Variants in PHACTR2 observed in about 807,000 individuals in gnomAD.
PHACTR2 encodes the protein chromosome 6 open reading frame 56.
PHACTR2 carries 30 observed loss-of-function variants against 76.0 expected under a neutral mutation model. The observed-to-expected ratio is 0.39, with a 90% CI of 0.30 to 0.54. The LOEUF is 0.54. PHACTR2 is among the 20% of genes least tolerant of loss of function. The pLI, the probability that PHACTR2 is intolerant of heterozygous loss-of-function variation, is 0.61. For synonymous variants in PHACTR2, 292 were observed against 292.5 expected, an observed-to-expected ratio of 1.00 and a Z score of 0.02; for missense variants, 696 against 781.1, an observed-to-expected ratio of 0.89 and a Z score of 1.30.
chr6:143,589,790 A>G lies in PHACTR2; in HGVS notation c.217+52583A>G, dbSNP rs1164651994. 1.3e-5 allele frequency among the ~76,000 whole-genome samples: 2 copies of G among 152,230 alleles called. No homozygotes were observed. The highest frequency in any genetic ancestry group is 4.8e-5 in the African/African-American group (2 of 41,472). On this transcript the variant is annotated intron_variant, in intron 1 of 11. Coordinates refer to the PHACTR2 transcript ENST00000367584. The surrounding 1 kb of genome is among the most constrained non-coding windows in gnomAD (Gnocchi z 4.4). ...ATATAAATTTAGGGGAGGGGACACA[A>G]TTCAGTCCATTGCACTAATCTTATG...
chr6:143,568,103 T>C lies in PHACTR2; in HGVS notation c.217+30896T>C, dbSNP rs1416209. On this transcript the variant is annotated intron_variant, in intron 1 of 11. Coordinates refer to the PHACTR2 transcript ENST00000367584. ...CATATTTTCCTTTACCTTGATTTTT[T>C]TAAAAAAATCCATAATATCCAGGCC... 3.3e-5 allele frequency among the ~76,000 whole-genome samples: 5 copies of C among 151,790 alleles called. No homozygotes were observed. The East Asian group carries it at 9.7e-4, about 29-fold the overall frequency.
chr6:143,637,886 A>G lies in PHACTR2; in HGVS notation c.13+29564A>G, dbSNP rs140854807. Among the ~76,000 whole-genome samples the G allele has an allele frequency of 1.7e-3, 265 of 152,334 alleles. 2 individuals are homozygous for G. The highest frequency in any genetic ancestry group is 5.6e-3 in the African/African-American group (233 of 41,562). ...GGAGTGACATCCCGTCACCTTTGCT[A>G]TGTTCTAGTTGTTAGAAACAAGACA... On this transcript the variant is annotated intron_variant, in intron 1 of 11. Transcript: ENST00000305766.
intron 2 of PHACTR2, among the ~76,000 whole-genome samples, chr6:143,714,278 G>C (rs1778252049): frequency 6.6e-6 from 1 of 152,152 alleles, no homozygotes; most frequent in Non-Finnish European, 1.5e-5. Flanking sequence ...TTCTACGTTT[G>C]TCCTTCTCTT....
At position 143,578,146 on chromosome 6, in the gene PHACTR2, G is replaced by T. The variant is rs184195292; in HGVS notation, c.217+40939G>T. On this transcript the variant is annotated intron_variant, in intron 1 of 11. Coordinates refer to the PHACTR2 transcript ENST00000367584. This position sits in a 1 kb window ranked among gnomAD's most constrained non-coding sequence, Gnocchi z 4.5. ...GAGGGAAGGAGCTTCATTTACTGTT[G>T]TTCCTTCACAAAGGAACCATTGCAG... 4.6e-5 allele frequency among the ~76,000 whole-genome samples: 7 copies of T among 152,254 alleles called. No individual in the cohort carries two copies. Among genetic ancestry groups the T allele is most frequent in the Middle Eastern group, 3.4e-3 (1 of 294 alleles).
intron 1 of PHACTR2, among the ~76,000 whole-genome samples, chr6:143,542,783 C>T (rs565402797): frequency 2.0e-5 from 3 of 152,144 alleles, no homozygotes; most frequent in Non-Finnish European, 4.4e-5. Context: ...GTGAAGCCAC[C>T]TTTATACAGC....
rs1776799473 is a variant in PHACTR2 at position 143,653,605 on chromosome 6, A to G, written c.13+45283A>G. 6.6e-6 allele frequency among the ~76,000 whole-genome samples: 1 copy of G among 151,914 alleles called. No individual in the cohort carries two copies. The highest frequency in any genetic ancestry group is 2.4e-5 in the African/African-American group (1 of 41,320). ...TGGTTGTCAACAAGGATGCCAAGAC[A>G]ATTCAATGGGGAAAGAAATGTCTTA... On this transcript the variant is annotated intron_variant, in intron 1 of 11. Coordinates refer to the PHACTR2 transcript ENST00000305766. This position sits in a 1 kb window ranked among gnomAD's most constrained non-coding sequence, Gnocchi z 4.9.
rs1016172010 is a variant in PHACTR2 at position 143,793,731 on chromosome 6, G to A, written c.1845+4821G>A. ...GGAGTTTGAGACCAGCCTGAGCAATGTGGTGAAACTCTGCCTCTACTAAAA... is the reference window on the plus strand; with the variant it reads ...GGAGTTTGAGACCAGCCTGAGCAATATGGTGAAACTCTGCCTCTACTAAAA... On this transcript the variant is annotated intron_variant, in intron 11 of 12. Coordinates refer to ENST00000440869, the MANE Select transcript of PHACTR2 (RefSeq NM_001100164.2). This position sits in a 1 kb window ranked among gnomAD's most constrained non-coding sequence, Gnocchi z 4.4. Among the ~76,000 whole-genome samples, 17 of 151,852 alleles carry A rather than the reference G, an allele frequency of 1.1e-4. No individual in the cohort carries two copies. The highest frequency in any genetic ancestry group is 7.2e-4 in the Admixed American group (11 of 15,252).
Position 143,822,383 on chromosome 6 carries a change from G to A in PHACTR2, c.1923-1291G>A, listed in dbSNP as rs1216453607. The stretch of plus-strand genomic sequence containing the variant: ...ATACGATCCTTTTGAGAAAGAACTG[G>A]GTTGGGCGCAGTGGCTCGTACCTGT... On this transcript the variant is annotated intron_variant, in intron 12 of 12. Coordinates refer to ENST00000440869, the MANE Select transcript of PHACTR2 (RefSeq NM_001100164.2). This position sits in a 1 kb window ranked among gnomAD's most constrained non-coding sequence, Gnocchi z 5.5. 1.3e-5 allele frequency among the ~76,000 whole-genome samples: 2 copies of A among 152,112 alleles called. No homozygotes were observed. Among genetic ancestry groups the A allele is most frequent in the Non-Finnish European group, 2.9e-5 (2 of 68,032 alleles).
At chr6:143,714,482 T>G (rs769978486) in intron 2 of PHACTR2, among the ~76,000 whole-genome samples, 3 of 152,260 alleles carry the variant, frequency 2.0e-5, no homozygotes, top group Non-Finnish European at 4.4e-5. Context: ...AGGGTCCCAT[T>G]CGTGGCCAGT....
chr6:143,774,174 G>C lies in PHACTR2; in HGVS notation c.1548G>C (p.Glu516Asp). ...TCTTGCAGCGTACATCTGAAGAAGA[G>C]AGGCAGGAAATCCGACAACAAATTG... ...KNILQRTSEEERQEIRQQIGT... is the reference protein window; with the variant it reads ...KNILQRTSEEDRQEIRQQIGT... The change falls in exon 8 of 13, where the codon GAG (glutamate) becomes GAC (aspartate). Residue 516 changes from glutamate to aspartate, a missense_variant. Glu to Asp is a conservative substitution (Grantham distance 45). Coordinates refer to ENST00000440869, the MANE Select transcript of PHACTR2 (RefSeq NM_001100164.2). The surrounding 1 kb of genome is among the most constrained non-coding windows in gnomAD (Gnocchi z 5.4). 1 of 1,614,146 alleles carries C rather than the reference G, an allele frequency of 6.2e-7. No homozygotes were observed. Among genetic ancestry groups the C allele is most frequent in the Non-Finnish European group, 8.5e-7 (1 of 1,179,972 alleles).
chr6:143,773,639 T>C (rs1448701932), intron 7 of PHACTR2, among the ~76,000 whole-genome samples: 1 of 152,042 alleles, frequency 6.6e-6, no homozygotes, highest in Non-Finnish European at 1.5e-5. Context: ...TCTGCCAGGA[T>C]GGCGTCTGAG....
chr6:143,586,880 C>T (rs1775636891), intron 1 of PHACTR2, among the ~76,000 whole-genome samples: 1 of 152,112 alleles, frequency 6.6e-6, no homozygotes, highest in Admixed American at 6.6e-5. Flanking sequence ...CCTTTGAAGT[C>T]GAGTCCCGCC....
Position 143,772,408 on chromosome 6 carries a change from G to T in PHACTR2, c.1383G>T (p.Leu461Phe). The change falls in exon 7 of 13, where the codon TTG (leucine) becomes TTT (phenylalanine). Residue 461 changes from leucine (L) to phenylalanine (F), a missense_variant. Transcript: ENST00000440869. The surrounding 1 kb of genome is among the most constrained non-coding windows in gnomAD (Gnocchi z 5.4). ...ACTCTGACTCGGACGGGCCTATCTT[G>T]TACACCGATGATGAGGACGAAGACG... Reference protein sequence around the residue: ...ANDSDSDGPILYTDDEDEDED... With the variant: ...ANDSDSDGPIFYTDDEDEDED... 1.2e-6 allele frequency: 2 copies of T among 1,614,138 alleles called. No individual in the cohort carries two copies. Among genetic ancestry groups the T allele is most frequent in the Non-Finnish European group, 1.7e-6 (2 of 1,180,004 alleles).
intron 1 of PHACTR2, among the ~76,000 whole-genome samples, chr6:143,681,206 A>G (rs1269147442): frequency 2.0e-5 from 3 of 152,172 alleles, no homozygotes. Context: ...AAGTTAGACC[A>G]TTTTACATTC....
Position 143,759,725 on chromosome 6 carries a change from A to T in PHACTR2, c.455-676A>T, listed in dbSNP as rs924125628. On this transcript the variant is annotated intron_variant, in intron 4 of 12. Coordinates refer to ENST00000440869, the MANE Select transcript of PHACTR2 (RefSeq NM_001100164.2). ...AAAGGAAGGAAGGAAAGGGCAGAGG[A>T]AGTTATTTTAGAACAGGAAGCTGCC... Among the ~76,000 whole-genome samples the T allele has an allele frequency of 2.0e-5, 3 of 152,020 alleles. No individual in the cohort carries two copies. In the South Asian group the frequency reaches 6.2e-4, roughly 32 times the overall value.
intron 12 of PHACTR2, among the ~76,000 whole-genome samples, chr6:143,815,158 T>C (rs1776271394): frequency 6.6e-6 from 1 of 152,112 alleles, no homozygotes; most frequent in Admixed American, 6.5e-5. Context: ...GGACAGAAAT[T>C]AAAAGAGTTG....
intron 1 of PHACTR2, among the ~76,000 whole-genome samples, chr6:143,701,430 G>T (rs117030727): frequency 6.6e-6 from 1 of 152,194 alleles, no homozygotes; most frequent in Non-Finnish European, 1.5e-5. Flanking sequence ...TGCCGCCAGC[G>T]TGAAATTAAC....
At chr6:143,719,862 G>T (rs1778400435) in intron 2 of PHACTR2, among the ~76,000 whole-genome samples, 1 of 134,920 alleles carries the variant, frequency 7.4e-6, no homozygotes, top group Non-Finnish European at 1.6e-5. Context: ...GCCCAGGCTG[G>T]AGTGCAATGG....
At position 143,678,193 on chromosome 6, in the gene PHACTR2, C is replaced by G. The variant is rs1052485592; in HGVS notation, c.30C>G (p.Ser10=). 6 of 1,537,304 alleles carry G rather than the reference C, an allele frequency of 3.9e-6. No individual in the cohort carries two copies. Among genetic ancestry groups the G allele is most frequent in the Non-Finnish European group, 4.4e-6 (5 of 1,141,370 alleles). ...GCCAGACCTCGGTGTCCACGCTGTC[C>G]CCGCAGCCCGGCAGCGGTGAGTCCG... MGQTSVSTL[S]PQPGSVDGLD... The change falls in exon 1 of 13, where the codon TCC becomes TCG. Residue 10 remains serine (S), a synonymous_variant. Coordinates refer to ENST00000440869, the MANE Select transcript of PHACTR2 (RefSeq NM_001100164.2). This position sits in a 1 kb window ranked among gnomAD's most constrained non-coding sequence, Gnocchi z 6.2.
Sources: allele counts gnomAD v4.1 joint callset (sites outside exome capture counted in the v4.1 genomes callset), GRCh38; gene constraint gnomAD v4.1.1; non-coding constraint Gnocchi (gnomAD v3.1); transcripts MANE v1.5; gene names NCBI Gene and HGNC (gene_info 2026-07-23, HGNC 2026-07-21).